RFPL1: variants seen among roughly 807,000 people sequenced by gnomAD.
The protein encoded by RFPL1 is ret finger protein like 1.
Under a neutral mutation model 9.6 loss-of-function variants are expected in RFPL1, and 6 were observed. The observed-to-expected ratio is 0.62, with a 90% CI of 0.34 to 1.23. The LOEUF (loss-of-function observed/expected upper bound fraction) is 1.23. Among genes scored for constraint, RFPL1 ranks in the 50% most tolerant of loss-of-function variants. RFPL1 has a pLI of 0.03. For synonymous variants in RFPL1, 145 were observed against 149.4 expected, an observed-to-expected ratio of 0.97 and a Z score of 0.22; for missense variants, 352 against 398.4, an observed-to-expected ratio of 0.88 and a Z score of 0.99.
At chr22:29,425,784 T>C in the RFPL1 span, among the ~76,000 whole-genome samples, 1 of 152,104 alleles carries the variant, frequency 6.6e-6, no homozygotes, top group Non-Finnish European at 1.5e-5. Flanking sequence ...TCCCAGCTAC[T>C]TGGGAGGCTG....
At chr22:29,420,633 G>GTTTTTTTTT in the RFPL1 span, among the ~76,000 whole-genome samples, 3 of 20,394 alleles carry the variant, frequency 1.5e-4, no homozygotes, top group Admixed American at 6.2e-4. Context: ...ATGGTTTTTT[G>GTTTTTTTTT]CTTTTTTTTT....
the RFPL1 span, among the ~76,000 whole-genome samples, chr22:29,415,976 C>T: frequency 3.3e-5 from 5 of 152,200 alleles, no homozygotes; most frequent in Non-Finnish European, 2.9e-5. Context: ...TGGACCTTCC[C>T]GTGGCTGCTG....
chr22:29,430,840 C>T, the RFPL1 span, among the ~76,000 whole-genome samples: 21,673 of 152,040 alleles, frequency 0.14, 3,466 homozygotes, highest in East Asian at 0.38. Context: ...TTTTATTTTT[C>T]CTAAGCAGAT....
At chr22:29,420,683 C>T in the RFPL1 span, among the ~76,000 whole-genome samples, 5 of 135,036 alleles carry the variant, frequency 3.7e-5, no homozygotes, top group Admixed American at 8.0e-5. Flanking sequence ...CTCTGTCTCC[C>T]GGGCTGGAGT....
At chr22:29,431,388 GAC>G in the RFPL1 span, among the ~76,000 whole-genome samples, 1 of 152,206 alleles carries the variant, frequency 6.6e-6, no homozygotes. Context: ...CTGGAGAAAT[GAC>G]AGTCTTCATT....
At chr22:29,420,278 A>G in the RFPL1 span, among the ~76,000 whole-genome samples, 1 of 152,250 alleles carries the variant, frequency 6.6e-6, no homozygotes, top group Non-Finnish European at 1.5e-5. Flanking sequence ...TGCCATGGAC[A>G]GATAGTCAGG....
chr22:29,432,476 C>T, the RFPL1 span, among the ~76,000 whole-genome samples: 2 of 152,114 alleles, frequency 1.3e-5, no homozygotes, highest in African/African-American at 4.8e-5. Context: ...CTTTCTAAAC[C>T]AAAGTATAAA....
the RFPL1 span, among the ~76,000 whole-genome samples, chr22:29,410,362 A>ATATATATATC: frequency 2.3e-5 from 2 of 88,742 alleles, no homozygotes; most frequent in Admixed American, 2.6e-4. Flanking sequence ...ATATATGTAG[A>ATATATATATC]TATATATATC....
the RFPL1 span, among the ~76,000 whole-genome samples, chr22:29,390,889 T>C: frequency 1.3e-5 from 2 of 150,378 alleles, no homozygotes; most frequent in Admixed American, 6.6e-5. Context: ...TGAGCCACCG[T>C]GCCCGGCCAC....
At chr22:29,391,852 G>T in the RFPL1 span, among the ~76,000 whole-genome samples, 2 of 152,220 alleles carry the variant, frequency 1.3e-5, no homozygotes, top group African/African-American at 4.8e-5. Context: ...TTTCAGCCAG[G>T]CCCTGGGCTG....
the RFPL1 span, among the ~76,000 whole-genome samples, chr22:29,419,487 C>T: frequency 0.26 from 39,952 of 151,582 alleles, 7,146 homozygotes; most frequent in African/African-American, 0.49. Context: ...CAGTCGCTCA[C>T]ACCTGTAATC....
the RFPL1 span, among the ~76,000 whole-genome samples, chr22:29,424,409 C>T: frequency 2.0e-5 from 3 of 152,222 alleles, no homozygotes; most frequent in South Asian, 6.2e-4. Context: ...AAGGCAGGAG[C>T]TTCACCCACA....
chr22:29,426,148 C>G, the RFPL1 span, among the ~76,000 whole-genome samples: 1 of 151,212 alleles, frequency 6.6e-6, no homozygotes, highest in Non-Finnish European at 1.5e-5. Context: ...CATGGCCAAA[C>G]CCCTTCTCCA....
At chr22:29,419,809 A>T in the RFPL1 span, among the ~76,000 whole-genome samples, 1 of 151,796 alleles carries the variant, frequency 6.6e-6, no homozygotes, top group African/African-American at 2.4e-5. Flanking sequence ...TCCAAAAAAA[A>T]AAAAAAAGAA....
chr22:29,390,321 CCTAT>C, the RFPL1 span, among the ~76,000 whole-genome samples: 2 of 152,214 alleles, frequency 1.3e-5, no homozygotes, highest in East Asian at 3.9e-4. Flanking sequence ...GTCTCTACGT[CCTAT>C]CTAATATAGA....
the RFPL1 span, among the ~76,000 whole-genome samples, chr22:29,411,103 G>A: frequency 3.2e-4 from 48 of 152,100 alleles, no homozygotes; most frequent in Non-Finnish European, 5.3e-4. Context: ...TGTATTTCCT[G>A]GATAAGGAAG....
exon 2 of RFPL1, chr22:29,441,788 T>A: frequency 6.2e-7 from 1 of 1,613,860 alleles, no homozygotes; most frequent in Non-Finnish European, 8.5e-7. Flanking sequence ...AAAGGGAGGA[T>A]CCATCTGACC....
chr22:29,398,670 G>A, the RFPL1 span, among the ~76,000 whole-genome samples: 1 of 152,214 alleles, frequency 6.6e-6, no homozygotes, highest in Non-Finnish European at 1.5e-5. Flanking sequence ...CCTAAAGGAG[G>A]CAATGCACTA....
At chr22:29,395,381 T>C in the RFPL1 span, among the ~76,000 whole-genome samples, 1 of 152,106 alleles carries the variant, frequency 6.6e-6, no homozygotes, top group African/African-American at 2.4e-5. Context: ...GCTTTGTCCA[T>C]AGCCTCAGGA....
Sources: allele counts gnomAD v4.1 joint callset (sites outside exome capture counted in the v4.1 genomes callset), GRCh38; gene constraint gnomAD v4.1.1; transcripts MANE v1.5; gene names NCBI Gene and HGNC (gene_info 2026-07-23, HGNC 2026-07-21).